Variants in BCKDHB observed in about 807,000 individuals in gnomAD.
The protein encoded by BCKDHB is 2-oxoisovalerate dehydrogenase subunit beta, mitochondrial.
A neutral mutation model predicts 48.5 loss-of-function variants in BCKDHB; 41 were observed. That is an observed-to-expected ratio of 0.85 (90% CI 0.66 to 1.10). BCKDHB has a LOEUF of 1.10. Ranked by LOEUF, BCKDHB falls within the 50% of genes least tolerant of loss-of-function variation. BCKDHB has a pLI of 0.00. For missense variants in BCKDHB, 496 were observed against 494.2 expected (o/e 1.00, Z -0.03); for synonymous variants, 201 against 174.8 (o/e 1.15, Z -1.18).
chr6:80,231,510 G>T (rs187220085), intron 8 of BCKDHB, among the ~76,000 whole-genome samples: 1 of 152,106 alleles, frequency 6.6e-6, no homozygotes, highest in Non-Finnish European at 1.5e-5. Flanking sequence ...GTAAAAACAG[G>T]GCAAAGAACA....
chr6:80,123,422 G>A (rs914502081), intron 1 of BCKDHB, among the ~76,000 whole-genome samples: 1 of 152,216 alleles, frequency 6.6e-6, no homozygotes, highest in East Asian at 1.9e-4. Flanking sequence ...GCTCCAGCCA[G>A]TCCCTCCATT....
At chr6:80,306,558 C>G (rs1767886178) in intron 9 of BCKDHB, among the ~76,000 whole-genome samples, 2 of 152,136 alleles carry the variant, frequency 1.3e-5, no homozygotes, top group South Asian at 4.1e-4. Flanking sequence ...TATAAGCCAG[C>G]CATTCACAGA....
intron 9 of BCKDHB, among the ~76,000 whole-genome samples, chr6:80,326,628 C>T (rs536763037): frequency 6.6e-6 from 1 of 152,266 alleles, no homozygotes; most frequent in African/African-American, 2.4e-5. Flanking sequence ...TGGCTCACAC[C>T]TGTAATCCCA....
the BCKDHB span, chr6:80,441,278 G>C: frequency 6.6e-6 from 1 of 152,098 alleles, no homozygotes; most frequent in South Asian, 2.1e-4. Context: ...ATATCCAAAT[G>C]ACAGTTTCTA....
chr6:80,251,001 T>C (rs1181015203), intron 8 of BCKDHB, among the ~76,000 whole-genome samples: 2 of 152,180 alleles, frequency 1.3e-5, no homozygotes, highest in Non-Finnish European at 2.9e-5. Context: ...TATTTAAGAA[T>C]TGTACTTCTG....
intron 8 of BCKDHB, among the ~76,000 whole-genome samples, chr6:80,220,270 C>T (rs1775356773): frequency 7.3e-6 from 1 of 136,828 alleles, no homozygotes; most frequent in African/African-American, 2.5e-5. Flanking sequence ...AAAATTTCCC[C>T]CTTGTACTCA....
the BCKDHB span, among the ~76,000 whole-genome samples, chr6:80,394,868 G>T: frequency 1.3e-5 from 2 of 152,138 alleles, no homozygotes; most frequent in Non-Finnish European, 2.9e-5. Flanking sequence ...GAATTATGGC[G>T]TTGGTTACCC....
intron 3 of BCKDHB, among the ~76,000 whole-genome samples, chr6:80,167,028 A>C (rs561750038): frequency 2.6e-5 from 4 of 152,134 alleles, no homozygotes; most frequent in African/African-American, 9.6e-5. Flanking sequence ...TTGTCCTTTT[A>C]GTTGTGTTGC....
At chr6:80,413,670 A>G in the BCKDHB span, among the ~76,000 whole-genome samples, 3 of 152,202 alleles carry the variant, frequency 2.0e-5, no homozygotes, top group Admixed American at 2.0e-4. Context: ...TGATGCATAT[A>G]TACTACATTT....
chr6:80,234,151 T>A (rs777084807), intron 8 of BCKDHB, among the ~76,000 whole-genome samples: 11 of 152,198 alleles, frequency 7.2e-5, no homozygotes, highest in Non-Finnish European at 1.3e-4. Context: ...TGCCTGCTGC[T>A]CACCTCCTGC....
At chr6:80,311,244 G>A (rs1238394926) in intron 9 of BCKDHB, among the ~76,000 whole-genome samples, 1 of 152,090 alleles carries the variant, frequency 6.6e-6, no homozygotes. Flanking sequence ...CCATGATTGT[G>A]AGCCCTCTCC....
At chr6:80,350,696 G>C (rs926937643), downstream of BCKDHB, among the ~76,000 whole-genome samples, 46 of 152,216 alleles carry the variant, frequency 3.0e-4, no homozygotes, top group African/African-American at 1.1e-3. Flanking sequence ...TTTGGCTGTT[G>C]TAAGTATTTT....
intron 9 of BCKDHB, among the ~76,000 whole-genome samples, chr6:80,335,985 T>C (rs1243994746): frequency 1.3e-5 from 2 of 152,018 alleles, no homozygotes; most frequent in Non-Finnish European, 2.9e-5. Context: ...GTGTACTTTT[T>C]TAAAAAGTGA....
chr6:80,426,992 A>G, the BCKDHB span, among the ~76,000 whole-genome samples: 1 of 152,084 alleles, frequency 6.6e-6, no homozygotes, highest in Non-Finnish European at 1.5e-5. Context: ...TGCTTCATAT[A>G]CTTTAGAATT....
rs776261412 is a variant in BCKDHB at position 80,106,777 on chromosome 6, C to G, written c.84C>G (p.Gly28=). Residue 28 remains glycine, a synonymous_variant, in exon 1 of 10, where the codon GGC becomes GGG. Transcript: ENST00000320393. Reference sequence around the variant, plus strand: ...AGGGGCACTGGCGTCGGCTTCCTGGCGCGGGGCTGGCGCGGGGCTTTTTGC... The same window carrying G: ...AGGGGCACTGGCGTCGGCTTCCTGGGGCGGGGCTGGCGCGGGGCTTTTTGC... The part of the protein sequence containing the change: ...GAEGHWRRLP[G]AGLARGFLHP... 9 of 1,591,328 alleles carry G rather than the reference C, an allele frequency of 5.7e-6. No homozygotes were observed. Among genetic ancestry groups the G allele is most frequent in the Non-Finnish European group, 7.7e-6 (9 of 1,170,076 alleles).
intron 8 of BCKDHB, among the ~76,000 whole-genome samples, chr6:80,210,162 C>T (rs753953547): frequency 2.0e-5 from 3 of 147,104 alleles, no homozygotes; most frequent in Admixed American, 6.8e-5. Flanking sequence ...AAACCAGAAG[C>T]GTTCATAGGA....
the BCKDHB span, among the ~76,000 whole-genome samples, chr6:80,353,407 A>G: frequency 6.6e-6 from 1 of 152,176 alleles, no homozygotes. Flanking sequence ...CAGTAGTGTG[A>G]TCACTGGATT....
At chr6:80,143,370 C>A (rs1771318395) in intron 3 of BCKDHB, among the ~76,000 whole-genome samples, 1 of 152,110 alleles carries the variant, frequency 6.6e-6, no homozygotes, top group Non-Finnish European at 1.5e-5. Flanking sequence ...ACTGTTATCA[C>A]CTTTAATGCA....
intron 6 of BCKDHB, among the ~76,000 whole-genome samples, chr6:80,182,169 G>A (rs1773443744): frequency 6.6e-6 from 1 of 152,116 alleles, no homozygotes; most frequent in Non-Finnish European, 1.5e-5. Flanking sequence ...AAGCCGGCAG[G>A]ACTTCAGCTA....
Sources: gnomAD v4.1 joint callset for allele counts (sites outside exome capture counted in the v4.1 genomes callset) on GRCh38, gnomAD v4.1.1 for gene constraint, MANE v1.5 for transcripts, NCBI Gene and HGNC (gene_info 2026-07-23, HGNC 2026-07-21) for gene names.